Variants in VPS45 observed in about 807,000 individuals in gnomAD.
The protein encoded by VPS45 is vacuolar protein sorting-associated protein 45.
VPS45 carries 35 observed loss-of-function variants against 75.9 expected under a neutral mutation model. The observed-to-expected ratio is 0.46, with a 90% confidence interval of 0.35 to 0.61. The LOEUF (loss-of-function observed/expected upper bound fraction) is 0.61, where lower values mean the gene tolerates loss of function less well. Ranked by LOEUF, VPS45 falls within the 20% of genes least tolerant of loss-of-function variation. VPS45 has a pLI of 0.00. For synonymous variants in VPS45, 220 were observed against 238.2 expected, an observed-to-expected ratio of 0.92 and a Z score of 0.70; for missense variants, 559 against 685.9, an observed-to-expected ratio of 0.81 and a Z score of 2.07.
At chr1:150,131,676 T>TAAA (rs34119963) in intron 14 of VPS45, among the ~76,000 whole-genome samples, 18,589 of 139,238 alleles carry the variant, frequency 0.13, 1,496 homozygotes, top group Non-Finnish European at 0.17. Context: ...TTTTTGTCTC[T>TAAA]AAAAAAAAAA....
At chr1:150,078,697 G>A (rs1655530589) in intron 7 of VPS45, among the ~76,000 whole-genome samples, 1 of 152,106 alleles carries the variant, frequency 6.6e-6, no homozygotes, top group South Asian at 2.1e-4. Flanking sequence ...AGGAGGCGAA[G>A]GTTGCAGTAA....
At chr1:150,078,104 C>G (rs1351451247) in intron 7 of VPS45, among the ~76,000 whole-genome samples, 1 of 152,216 alleles carries the variant, frequency 6.6e-6, no homozygotes, top group Non-Finnish European at 1.5e-5. Flanking sequence ...GGTCTAGATC[C>G]TAATCTCTTG....
upstream of VPS45, chr1:150,067,764 G>A (rs1321104685): frequency 7.7e-7 from 1 of 1,290,670 alleles, no homozygotes; most frequent in Non-Finnish European, 1.1e-6. Flanking sequence ...TCCCGGCTGG[G>A]AGGAAGCAGC....
rs1187269530 is a variant in VPS45, at chr1:150,136,247, TA to T, written c.1626-8461del. 5.2e-3 allele frequency among the ~76,000 whole-genome samples: 650 copies of T among 123,948 alleles called. 25 individuals carry two copies. Among genetic ancestry groups the T allele is most frequent in the Admixed American group, 7.5e-3 (92 of 12,320 alleles). The allele number at this position is 123,948 out of a possible 152,430, so 81.3% of individuals were successfully genotyped here. ...TTGGGCAACAGAGTGAGACTCTGTCTACAAAAAAAAAAAAAAAAATTTGAGG... is the reference window on the plus strand; with the variant it reads ...TTGGGCAACAGAGTGAGACTCTGTCTCAAAAAAAAAAAAAAAAATTTGAGG... On this transcript the variant is annotated intron_variant, in intron 14 of 14. Transcript: ENST00000644510.
intron 14 of VPS45, among the ~76,000 whole-genome samples, chr1:150,127,598 T>A (rs954561759): frequency 1.3e-5 from 2 of 152,226 alleles, no homozygotes; most frequent in Non-Finnish European, 2.9e-5. Context: ...AAGGTAGATA[T>A]TTTTATAATT....
chr1:150,091,295 C>T (rs1236257301), intron 10 of VPS45, among the ~76,000 whole-genome samples: 1 of 152,172 alleles, frequency 6.6e-6, no homozygotes, highest in Admixed American at 6.5e-5. Context: ...ATTATTTGTT[C>T]TGCTGCATAA....
chr1:150,069,650 G>T (rs1207053136), intron 2 of VPS45, among the ~76,000 whole-genome samples: 1 of 151,802 alleles, frequency 6.6e-6, no homozygotes, highest in Non-Finnish European at 1.5e-5. Context: ...TAGAGACAGG[G>T]TTTCACTGTG....
chr1:150,088,742 G>C (rs2101556674), intron 10 of VPS45, among the ~76,000 whole-genome samples: 1 of 152,108 alleles, frequency 6.6e-6, no homozygotes, highest in East Asian at 1.9e-4. Context: ...GCCTCCCAAA[G>C]TGCTGGGATT....
At chr1:150,108,445 A>G (rs1024985345) in intron 13 of VPS45, among the ~76,000 whole-genome samples, 9 of 152,242 alleles carry the variant, frequency 5.9e-5, no homozygotes, top group South Asian at 4.1e-4. Context: ...TTAAATAACC[A>G]TAAGTGACAA....
intron 10 of VPS45, chr1:150,083,324 A>G (rs1655823503): frequency 6.5e-6 from 1 of 152,832 alleles, no homozygotes; most frequent in South Asian, 2.1e-4. Flanking sequence ...AAGTTTTTTC[A>G]TTATTGAAGA....
chr1:150,123,608 C>T (rs1658350823), intron 14 of VPS45, among the ~76,000 whole-genome samples: 1 of 152,218 alleles, frequency 6.6e-6, no homozygotes, highest in Non-Finnish European at 1.5e-5. Context: ...GGATTTTGAG[C>T]TGGCCTGCCT....
rs782677308 is a variant in VPS45, at chr1:150,077,181, C to T, written c.526C>T (p.Arg176Cys). 6.2e-6 allele frequency: 10 copies of T among 1,614,022 alleles called. No homozygotes were observed. The highest frequency in any genetic ancestry group is 1.7e-5 in the Admixed American group (1 of 60,014). Residue 176 changes from arginine to cysteine, a missense_variant, in exon 6 of 15, where the codon CGT (arginine) becomes TGT (cysteine). By Grantham distance (180) the Arg-to-Cys change is radical. Transcript: ENST00000644510. ...LLSLKKCPMI[R>C]YQLSSEAAKR... ...ATCTCTGAAGAAGTGTCCCATGATT[C>T]GTTATCAGCTCTCATCAGAGGCAGC...
chr1:150,099,221 G>A, intron 13 of VPS45: 1 of 326,940 alleles, frequency 3.1e-6, no homozygotes, highest in Non-Finnish European at 4.4e-6. Flanking sequence ...AATAAGGTGG[G>A]CAATGTGTCT....
chr1:150,082,910 T>TTG (rs1553799805), intron 10 of VPS45, 27 bp downstream of exon 10: 1 of 1,605,872 alleles, frequency 6.2e-7, no homozygotes, highest in Admixed American at 1.7e-5. Flanking sequence ...GAGCACCTAC[T>TTG]ATGTGTAAGG....
At chr1:150,070,692 C>T (rs1553796871) in intron 2 of VPS45, among the ~76,000 whole-genome samples, 1 of 151,216 alleles carries the variant, frequency 6.6e-6, no homozygotes, top group African/African-American at 2.4e-5. Context: ...GCCTGTAGTC[C>T]CAGCTACTAG....
At chr1:150,114,022 A>G (rs191031433) in intron 14 of VPS45, among the ~76,000 whole-genome samples, 1 of 152,286 alleles carries the variant, frequency 6.6e-6, no homozygotes, top group East Asian at 1.9e-4. Context: ...TTTGTACACT[A>G]TCATTGTCCA....
At chr1:150,116,730 A>G (rs1553808390) in intron 14 of VPS45, among the ~76,000 whole-genome samples, 5 of 152,302 alleles carry the variant, frequency 3.3e-5, no homozygotes, top group African/African-American at 1.2e-4. Context: ...TTAGTTAATC[A>G]TATGCTTTTA....
chr1:150,075,894 C>T (rs1002862837), intron 3 of VPS45, among the ~76,000 whole-genome samples: 8 of 138,912 alleles, frequency 5.8e-5, no homozygotes, highest in South Asian at 2.4e-4. Context: ...GGACTACAGG[C>T]GTCCGCCACC....
intron 14 of VPS45, among the ~76,000 whole-genome samples, chr1:150,132,425 A>T (rs1379970935): frequency 5.3e-5 from 8 of 152,258 alleles, no homozygotes; most frequent in Admixed American, 5.2e-4. Context: ...TGATCAAAAA[A>T]TATTAAAATG....
Sources: allele counts gnomAD v4.1 joint callset (sites outside exome capture counted in the v4.1 genomes callset), GRCh38; gene constraint gnomAD v4.1.1; transcripts MANE v1.5; gene names NCBI Gene and HGNC (gene_info 2026-07-23, HGNC 2026-07-21).